The following GNG12 variants were observed in gnomAD, a reference collection of about 807,000 sequenced individuals.
GNG12 encodes the protein guanine nucleotide-binding protein G(I)/G(S)/G(O) subunit gamma-12.
For synonymous variants in GNG12, 28 were observed against 29.7 expected (o/e 0.94, Z 0.19); for missense variants, 69 against 83.8 (o/e 0.82, Z 0.69).
intron 2 of GNG12, among the ~76,000 whole-genome samples, chr1:67,746,916 A>AAT (rs1646511052): frequency 6.6e-6 from 1 of 151,978 alleles, no homozygotes; most frequent in South Asian, 2.1e-4. Flanking sequence ...TAAAGCAAAT[A>AAT]ATATACTTTA....
intron 1 of GNG12, among the ~76,000 whole-genome samples, chr1:67,800,672 A>G (rs866901221): frequency 6.6e-6 from 1 of 152,242 alleles, no homozygotes; most frequent in African/African-American, 2.4e-5. Context: ...GACATTCTTA[A>G]GTGAAAATGG....
chr1:67,810,683 C>T (rs1646919683), intron 1 of GNG12, among the ~76,000 whole-genome samples: 1 of 152,198 alleles, frequency 6.6e-6, no homozygotes, highest in Non-Finnish European at 1.5e-5. Context: ...CTCCCTCCTC[C>T]TCCCCACCTT....
chr1:67,705,691 G>C (rs1646243232), intron 3 of GNG12, 115 bp from the exon 4 acceptor site: 1 of 1,400,266 alleles, frequency 7.1e-7, no homozygotes, highest in African/African-American at 1.5e-5. Context: ...AAGATAATCA[G>C]AGTCTCAAAG....
chr1:67,799,059 T>C (rs752154659), intron 1 of GNG12, among the ~76,000 whole-genome samples: 3 of 152,250 alleles, frequency 2.0e-5, no homozygotes, highest in Admixed American at 6.5e-5. Flanking sequence ...GAATGCATTA[T>C]GTAATATATA....
At chr1:67,751,184 G>GAC (rs3835466) in intron 2 of GNG12, among the ~76,000 whole-genome samples, 5,269 of 140,680 alleles carry the variant, frequency 0.037, 125 homozygotes, top group Admixed American at 0.095. Context: ...TACACATACA[G>GAC]ACACACACAC....
chr1:67,762,812 T>C (rs868560345), intron 2 of GNG12, among the ~76,000 whole-genome samples: 36 of 152,288 alleles, frequency 2.4e-4, no homozygotes, highest in Middle Eastern at 3.4e-3. Flanking sequence ...CTTCTAATAT[T>C]TTCTTGGGAG....
intron 2 of GNG12, among the ~76,000 whole-genome samples, chr1:67,763,205 A>G (rs931959762): frequency 1.3e-5 from 2 of 152,030 alleles, no homozygotes; most frequent in African/African-American, 4.8e-5. Context: ...AACCACACCA[A>G]TTAGTCAAAT....
intron 2 of GNG12, among the ~76,000 whole-genome samples, chr1:67,732,368 C>T (rs1386268013): frequency 6.6e-6 from 1 of 152,214 alleles, no homozygotes; most frequent in Non-Finnish European, 1.5e-5. Flanking sequence ...TCCAGCCTAA[C>T]CCTTGGCCTT....
chr1:67,709,538 C>A (rs1001200818), intron 2 of GNG12, among the ~76,000 whole-genome samples: 1 of 151,964 alleles, frequency 6.6e-6, no homozygotes, highest in Non-Finnish European at 1.5e-5. Context: ...TGTGGCAGGG[C>A]AGGGTGGGCT....
intron 1 of GNG12, among the ~76,000 whole-genome samples, chr1:67,788,806 A>G (rs1646784361): frequency 6.6e-6 from 1 of 152,256 alleles, no homozygotes; most frequent in Admixed American, 6.5e-5. Context: ...AAGAAGGTTT[A>G]GAAGACAACA....
chr1:67,752,270 C>A (rs1557605318), intron 2 of GNG12, among the ~76,000 whole-genome samples: 1 of 152,166 alleles, frequency 6.6e-6, no homozygotes, highest in Non-Finnish European at 1.5e-5. Context: ...CTTGGCGTTT[C>A]AGGATGTTGC....
intron 1 of GNG12, among the ~76,000 whole-genome samples, chr1:67,820,087 TAAA>T (rs34568221): frequency 1.4e-5 from 2 of 145,326 alleles, no homozygotes; most frequent in Non-Finnish European, 1.5e-5. Flanking sequence ...TTTGCTGAAT[TAAA>T]AAAAAAAAAA....
chr1:67,749,225 TG>T, intron 2 of GNG12, among the ~76,000 whole-genome samples: 1 of 152,366 alleles, frequency 6.6e-6, no homozygotes, highest in Admixed American at 6.5e-5. Context: ...CTTTGTCATT[TG>T]CTCGTAGTGA....
intron 2 of GNG12, among the ~76,000 whole-genome samples, chr1:67,730,739 C>T (rs1044948735): frequency 4.6e-5 from 7 of 152,122 alleles, no homozygotes; most frequent in Non-Finnish European, 1.0e-4. Flanking sequence ...TAATATTTTA[C>T]TTCAATAAAA....
intron 1 of GNG12, among the ~76,000 whole-genome samples, chr1:67,779,685 G>C (rs1162703886): frequency 6.6e-6 from 1 of 152,108 alleles, no homozygotes; most frequent in Non-Finnish European, 1.5e-5. Context: ...GCGCCAATAA[G>C]GTAGTATTCA....
intron 1 of GNG12, among the ~76,000 whole-genome samples, chr1:67,783,720 C>G (rs1363938858): frequency 1.3e-5 from 2 of 152,186 alleles, no homozygotes; most frequent in East Asian, 1.9e-4. Flanking sequence ...AAAAAATGCT[C>G]ATCATCACTG....
intron 2 of GNG12, among the ~76,000 whole-genome samples, chr1:67,751,475 T>A (rs1570513017): frequency 6.6e-6 from 1 of 151,964 alleles, no homozygotes; most frequent in East Asian, 1.9e-4. Context: ...ACAGTTAGGG[T>A]CTCTGTACCC....
intron 2 of GNG12, among the ~76,000 whole-genome samples, chr1:67,758,034 C>T (rs886864775): frequency 5.9e-5 from 9 of 152,120 alleles, no homozygotes; most frequent in South Asian, 2.1e-4. Flanking sequence ...TGCAGTGGCA[C>T]GGTCTCGGCT....
chr1:67,751,598 T>C (rs1438206543), intron 2 of GNG12, among the ~76,000 whole-genome samples: 1 of 152,158 alleles, frequency 6.6e-6, no homozygotes, highest in Non-Finnish European at 1.5e-5. Flanking sequence ...AGTACAAAAG[T>C]ACATGCACAC....
Sources: allele counts gnomAD v4.1 joint callset (sites outside exome capture counted in the v4.1 genomes callset), GRCh38; gene constraint gnomAD v4.1.1; transcripts MANE v1.5; gene names NCBI Gene and HGNC (gene_info 2026-07-23, HGNC 2026-07-21).